Variants in WDR87 observed in about 807,000 individuals in gnomAD.
WDR87 encodes WD repeat domain 87.
A neutral mutation model predicts 83.3 loss-of-function variants in WDR87; 56 were observed. The ratio of observed to expected loss-of-function variants is 0.67; its 90% CI spans 0.54 to 0.84. The LOEUF (loss-of-function observed/expected upper bound fraction) is 0.84. WDR87 is among the 40% of genes least tolerant of loss of function. The pLI is 0.00. For missense variants in WDR87, 2,939 were observed against 3,431.9 expected, an observed-to-expected ratio of 0.86 and a Z score of 3.59; for synonymous variants, 1,173 against 1,250.6, an observed-to-expected ratio of 0.94 and a Z score of 1.31.
At position 37,886,761 on chromosome 19, in the gene WDR87, C is replaced by T. The variant is rs1330729967; in HGVS notation, c.6910G>A (p.Glu2304Lys). 7.4e-7 allele frequency: 1 copy of T among 1,343,124 alleles called. No individual in the cohort carries two copies. The highest frequency in any genetic ancestry group is 1.0e-6 in the Non-Finnish European group (1 of 986,212). The allele number at this position is 1,343,124 out of a possible 1,614,324, so 83.2% of individuals were successfully genotyped here. A position where few individuals can be genotyped will look rare whatever the true frequency, so the allele number is the denominator to read the frequency against. Residue 2304 changes from glutamate (E) to lysine (K), a missense_variant, in exon 6 of 6, where the codon GAG becomes AAG. Transcript: ENST00000447313. ...EEREEEEERE[E>K]EEERKEEEEG... is the part of the protein sequence containing the mutation. ...TCCTCCTCCTTCCTTTCCTCCTCCTCCTCCCTTTCCTCCTCCTCCTCCCTT... is the reference window on the plus strand; with the variant it reads ...TCCTCCTCCTTCCTTTCCTCCTCCTTCTCCCTTTCCTCCTCCTCCTCCCTT...
intron 1 of WDR87, among the ~76,000 whole-genome samples, chr19:37,898,780 C>T (rs2046274959): frequency 2.0e-5 from 3 of 152,100 alleles, no homozygotes; most frequent in Non-Finnish European, 4.4e-5. Context: ...CAGGTGACCA[C>T]TCTATTTCCT....
chr19:37,885,430 C>T lies in WDR87; in HGVS notation c.8241G>A (p.Lys2747=), dbSNP rs1225419034. 5 of 1,551,802 alleles carry T rather than the reference C, an allele frequency of 3.2e-6. No individual in the cohort carries two copies. In the Admixed American group the frequency reaches 9.8e-5, roughly 30 times the overall value. The part of the protein sequence containing the change: ...KDKRRFPKLP[K]LEKKTQPISK... The stretch of plus-strand genomic sequence containing the variant: ...AAATGGGCTGTGTCTTCTTCTCTAA[C>T]TTGGGCAGTTTAGGAAACCTGCGTT... Residue 2747 remains lysine (K), a synonymous_variant, in exon 6 of 6, where the codon AAG becomes AAA. Coordinates refer to ENST00000447313, the MANE Select transcript of WDR87 (RefSeq NM_001291088.2).
chr19:37,894,122 G>T lies in WDR87; in HGVS notation c.1581C>A (p.Ser527=). The change falls in exon 4 of 6, where the codon TCC becomes TCA. Residue 527 remains serine, a synonymous_variant. Coordinates refer to ENST00000447313, the MANE Select transcript of WDR87 (RefSeq NM_001291088.2). ...FGGQGNSLLC[S]YGMDDYVHLS... is the part of the protein sequence containing the mutation. ...GGTGCACATAGTCATCCATTCCATAGGAACAGAGCAGAGAGTTTCCTTGGC... is the reference window on the plus strand; with the variant it reads ...GGTGCACATAGTCATCCATTCCATATGAACAGAGCAGAGAGTTTCCTTGGC... 1.3e-6 allele frequency: 2 copies of T among 1,552,346 alleles called. No homozygotes were observed. Among genetic ancestry groups the T allele is most frequent in the African/African-American group, 2.7e-5 (2 of 73,158 alleles).
chr19:37,898,391 G>C, intron 1 of WDR87, 106 bp from the exon 2 acceptor site: 1 of 1,369,764 alleles, frequency 7.3e-7, no homozygotes. Flanking sequence ...CCTTCTGAAA[G>C]TCAGGAACTG....
Position 37,886,694 on chromosome 19 carries a change from T to G in WDR87, c.6977A>C (p.Lys2326Thr). Residue 2326 changes from lysine (K) to threonine (T), a missense_variant, in exon 6 of 6, where the codon AAG (lysine) becomes ACG (threonine). By Grantham distance (78) the Lys-to-Thr change is moderately conservative. This residue lies in a region of WDR87 where 2,160 missense variants were observed against 2,533.1 expected (regional missense o/e 0.85). Coordinates refer to ENST00000447313, the MANE Select transcript of WDR87 (RefSeq NM_001291088.2). Reference sequence around the variant, plus strand: ...CTTCTTTTCCTTTTTCTTCTTCTTCTTCTCCTCCTCTTCTTTCTCCACTTG... The same window carrying G: ...CTTCTTTTCCTTTTTCTTCTTCTTCGTCTCCTCCTCTTCTTTCTCCACTTG... ...EKQVEKEEEE[K>T]KKKKKEKKKE... 6.8e-7 allele frequency: 1 copy of G among 1,462,102 alleles called. No homozygotes were observed. Among genetic ancestry groups the G allele is most frequent in the Non-Finnish European group, 9.3e-7 (1 of 1,076,206 alleles). 90.6% of individuals were successfully genotyped at this position (1,462,102 alleles called of 1,614,324 possible). A position where few individuals can be genotyped will look rare whatever the true frequency, so the allele number is the denominator to read the frequency against.
intron 1 of WDR87, among the ~76,000 whole-genome samples, chr19:37,905,523 T>C (rs1254677696): frequency 6.6e-6 from 1 of 151,662 alleles, no homozygotes; most frequent in Non-Finnish European, 1.5e-5. Context: ...TAAAATTGCA[T>C]ATGTGGCTTG....
At position 37,893,593 on chromosome 19, in the gene WDR87, G is replaced by A; in HGVS notation, c.2110C>T (p.Pro704Ser). 6.4e-7 allele frequency: 1 copy of A among 1,551,968 alleles called. No individual in the cohort carries two copies. The highest frequency in any genetic ancestry group is 2.4e-5 in the East Asian group (1 of 40,918). Residue 704 changes from proline to serine, a missense_variant, in exon 4 of 6, where the codon CCA becomes TCA. Coordinates refer to ENST00000447313, the MANE Select transcript of WDR87 (RefSeq NM_001291088.2). The part of the protein sequence containing the change: ...EVLEVPKPFI[P>S]SFFFSFETMF... Reference sequence around the variant, plus strand: ...GTCTCAAAGGAGAAGAAGAAGCTTGGTATGAAAGGCTTAGGGACTTCCAGT... The same window carrying A: ...GTCTCAAAGGAGAAGAAGAAGCTTGATATGAAAGGCTTAGGGACTTCCAGT...
chr19:37,893,598 A>G lies in WDR87; in HGVS notation c.2105T>C (p.Phe702Ser), dbSNP rs1171252666. The change falls in exon 4 of 6, where the codon TTC (phenylalanine) becomes TCC (serine). Residue 702 changes from phenylalanine (F) to serine (S), a missense_variant. Transcript: ENST00000447313. ...AAAGGAGAAGAAGAAGCTTGGTATG[A>G]AAGGCTTAGGGACTTCCAGTACTTC... ...SDEVLEVPKP[F>S]IPSFFFSFET... 9 of 1,552,020 alleles carry G rather than the reference A, an allele frequency of 5.8e-6. No individual in the cohort carries two copies. In the Admixed American group the frequency reaches 1.6e-4, roughly 27 times the overall value.
Position 37,892,920 on chromosome 19 carries a change from A to G in WDR87, c.2783T>C (p.Ile928Thr). The change falls in exon 4 of 6, where the codon ATT (isoleucine) becomes ACT (threonine). Residue 928 changes from isoleucine (I) to threonine (T), a missense_variant. Ile to Thr is a moderately conservative substitution (Grantham distance 89, BLOSUM62 -1). Around this residue, in one of 3 missense-constraint regions of WDR87, gnomAD observed 2,160 missense variants for 2,533.1 expected, o/e 0.85. Transcript: ENST00000447313. ...INSMIETMLN[I>T]MVHASLLKYQ... ...CTTCAGCAAGGAAGCATGGACCATAATATTGAGCATTGTCTCAATCATGCT... is the reference window on the plus strand; with the variant it reads ...CTTCAGCAAGGAAGCATGGACCATAGTATTGAGCATTGTCTCAATCATGCT... 4 of 1,552,086 alleles carry G rather than the reference A, an allele frequency of 2.6e-6. No individual in the cohort carries two copies. Among genetic ancestry groups the G allele is most frequent in the Non-Finnish European group, 3.5e-6 (4 of 1,147,076 alleles).
chr19:37,889,217 C>A lies in WDR87; in HGVS notation c.4454G>T (p.Gly1485Val). The change falls in exon 6 of 6, where the codon GGA becomes GTA. Residue 1485 changes from glycine to valine, a missense_variant. Transcript: ENST00000447313. ...TGTCCTCTCAATCATAACCAGTTTTCCTTCTTGTTTGACCACTTTCTCCTC... is the reference window on the plus strand; with the variant it reads ...TGTCCTCTCAATCATAACCAGTTTTACTTCTTGTTTGACCACTTTCTCCTC... The part of the protein sequence containing the change: ...TLEEKVVKQE[G>V]KLVMIERTPS... The A allele has an allele frequency of 1.3e-6, 2 of 1,552,174 alleles. No homozygotes were observed. The highest frequency in any genetic ancestry group is 2.4e-5 in the South Asian group (2 of 84,052).
Position 37,889,863 on chromosome 19 carries a change from C to T in WDR87, c.3808G>A (p.Gly1270Ser). The T allele has an allele frequency of 6.4e-7, 1 of 1,551,748 alleles. No individual in the cohort carries two copies. Among genetic ancestry groups the T allele is most frequent in the East Asian group, 2.4e-5 (1 of 40,916 alleles). ...CCATCTCCAGCGGTTGACCTGCGGC[C>T]AGATATTCCAGAGGCTCCCCGCCCT... is the stretch of plus-strand genomic sequence containing the variant. ...IQGRGASGISGRRSTAGDGSS... is the reference protein window; with the variant it reads ...IQGRGASGISSRRSTAGDGSS... Residue 1270 changes from glycine to serine, a missense_variant, in exon 6 of 6, where the codon GGC (glycine) becomes AGC (serine). Gly to Ser is a moderately conservative substitution (Grantham distance 56). Transcript: ENST00000447313.
chr19:37,889,718 T>C lies in WDR87; in HGVS notation c.3953A>G (p.Asp1318Gly). The change falls in exon 6 of 6, where the codon GAT becomes GGT. Residue 1318 changes from aspartate to glycine, a missense_variant. By Grantham distance (94) the Asp-to-Gly change is moderately conservative. Transcript: ENST00000447313. ...AAAGAGTTCCCAGCTGGGGTGCCTA[T>C]CTACCAGCATCTCCTGAGCAAATGT... ...LVTFAQEMLV[D>G]RHPSWELFQE... is the part of the protein sequence containing the mutation. 6.4e-7 allele frequency: 1 copy of C among 1,551,710 alleles called. No individual in the cohort carries two copies. Among genetic ancestry groups the C allele is most frequent in the South Asian group, 1.2e-5 (1 of 84,064 alleles).
At chr19:37,891,402 G>A (rs1240887792) in intron 5 of WDR87, 150 bp downstream of exon 5, 5 of 1,039,818 alleles carry the variant, frequency 4.8e-6, no homozygotes, top group Admixed American at 2.9e-5. Flanking sequence ...GACCTCAAGT[G>A]ATCTGCCCAC....
rs896030489 is a variant in WDR87 at position 37,887,871 on chromosome 19, G to C, written c.5800C>G (p.Leu1934Val). 4 of 1,551,210 alleles carry C rather than the reference G, an allele frequency of 2.6e-6. No individual in the cohort carries two copies. The African/African-American group carries it at 5.5e-5, about 21-fold the overall frequency. ...ATCACAGTCTCCTTTTCCTGTGTCAGCTTCTCCTCTACCTGAGCCAGTATC... is the reference window on the plus strand; with the variant it reads ...ATCACAGTCTCCTTTTCCTGTGTCACCTTCTCCTCTACCTGAGCCAGTATC... ...NKILAQVEEK[L>V]TQEKETVIKK... The change falls in exon 6 of 6, where the codon CTG becomes GTG. Residue 1934 changes from leucine (L) to valine (V), a missense_variant. By Grantham distance (32) the Leu-to-Val change is conservative (BLOSUM62 1). Around this residue, in one of 3 missense-constraint regions of WDR87, gnomAD observed 2,160 missense variants for 2,533.1 expected, o/e 0.85. Coordinates refer to ENST00000447313, the MANE Select transcript of WDR87 (RefSeq NM_001291088.2).
intron 5 of WDR87, among the ~76,000 whole-genome samples, chr19:37,890,900 G>C (rs2046199441): frequency 6.6e-6 from 1 of 152,008 alleles, no homozygotes; most frequent in South Asian, 2.1e-4. Flanking sequence ...TATCACAGTA[G>C]TATTTCAGTT....
In WDR87 at chr19:37,893,931, C is replaced by A; in HGVS notation, c.1772G>T (p.Gly591Val). The change falls in exon 4 of 6, where the codon GGG (glycine) becomes GTG (valine). Residue 591 changes from glycine to valine, a missense_variant. Around this residue, in one of 3 missense-constraint regions of WDR87, gnomAD observed 553 missense variants for 577.9 expected, o/e 0.96. Coordinates refer to ENST00000447313, the MANE Select transcript of WDR87 (RefSeq NM_001291088.2). ...LWKFHDFLSS[G>V]SQNGLKFIET... ...TATGAATTTCAAGCCATTCTGTGAC[C>A]CAGAGGACAGAAAATCATGGAACTT... The A allele has an allele frequency of 6.4e-7, 1 of 1,551,774 alleles. No individual in the cohort carries two copies. Among genetic ancestry groups the A allele is most frequent in the Non-Finnish European group, 8.7e-7 (1 of 1,147,016 alleles).
Position 37,888,328 on chromosome 19 carries a change from C to A in WDR87, c.5343G>T (p.Leu1781=). ...EEELNQEEGK[L]VEEKKKLAEE... ...CAGCCAGTTTCTTCTTTTCCTCAAC[C>A]AGTTTCCCCTCTTCCTGATTCAGTT... Residue 1781 remains leucine (L), a synonymous_variant, in exon 6 of 6, where the codon CTG becomes CTT. Transcript: ENST00000447313. 6.4e-7 allele frequency: 1 copy of A among 1,551,544 alleles called. No individual in the cohort carries two copies. Among genetic ancestry groups the A allele is most frequent in the Non-Finnish European group, 8.7e-7 (1 of 1,146,992 alleles).
Position 37,885,554 on chromosome 19 carries a change from T to C in WDR87, c.8117A>G (p.Tyr2706Cys), listed in dbSNP as rs896964318. ...TGGAAAAATGTCTCTGGTGGCAGGA[T>C]AAAAGTATTGCATTTCCATCTCCTT... ...AHKEMEMQYF[Y>C]PATRDIFPSA... Residue 2706 changes from tyrosine to cysteine, a missense_variant, in exon 6 of 6, where the codon TAT becomes TGT. Physicochemically the swap from Tyr to Cys is radical, Grantham distance 194 (BLOSUM62 -2). Coordinates refer to ENST00000447313, the MANE Select transcript of WDR87 (RefSeq NM_001291088.2). 1 of 1,551,752 alleles carries C rather than the reference T, an allele frequency of 6.4e-7. No individual in the cohort carries two copies. The highest frequency in any genetic ancestry group is 1.7e-4 in the Middle Eastern group (1 of 5,992).
In WDR87 at chr19:37,893,362, G is replaced by A. The variant is rs376688180; in HGVS notation, c.2341C>T (p.Arg781Cys). The A allele has an allele frequency of 5.1e-5, 79 of 1,551,866 alleles. No individual in the cohort carries two copies. Among genetic ancestry groups the A allele is most frequent in the African/African-American group, 8.2e-5 (6 of 73,044 alleles). ...DMEDWMQVSK[R>C]YQCHYVLPPQ... ...GGAAGCACATAATGGCATTGGTAAC[G>A]TTTGCTCACCTGCATCCAATCTTCC... Residue 781 changes from arginine (R) to cysteine (C), a missense_variant, in exon 4 of 6, where the codon CGT becomes TGT. Coordinates refer to ENST00000447313, the MANE Select transcript of WDR87 (RefSeq NM_001291088.2).
Sources: allele counts gnomAD v4.1 joint callset (sites outside exome capture counted in the v4.1 genomes callset), GRCh38; gene constraint gnomAD v4.1.1; regional missense constraint gnomAD v4.1.1; transcripts MANE v1.5; gene names NCBI Gene and HGNC (gene_info 2026-07-23, HGNC 2026-07-21).